PI4KA: variants seen among roughly 807,000 people sequenced by gnomAD.
PI4KA encodes phosphatidylinositol 4-kinase alpha.
PI4KA carries 122 observed loss-of-function variants against 271.4 expected under a neutral mutation model. That is an observed-to-expected ratio of 0.45 (90% CI 0.39 to 0.52). The LOEUF (loss-of-function observed/expected upper bound fraction) is 0.52. Among genes scored for constraint, PI4KA ranks in the 20% least tolerant of loss-of-function variants. The pLI, the probability that PI4KA is intolerant of heterozygous loss-of-function variation, is 0.00. For missense variants in PI4KA, 1,969 were observed against 2,769.1 expected, an observed-to-expected ratio of 0.71 and a Z score of 6.48; for synonymous variants, 1,041 against 1,078.8, an observed-to-expected ratio of 0.96 and a Z score of 0.69.
Position 20,819,681 on chromosome 22 carries a change from G to T in PI4KA, c.749C>A (p.Thr250Asn). The change falls in exon 6 of 55, where the codon ACC becomes AAC. Residue 250 changes from threonine (T) to asparagine (N), a missense_variant. Physicochemically the swap from Thr to Asn is moderately conservative, Grantham distance 65. Around this residue, in one of 13 missense-constraint regions of PI4KA, gnomAD observed 540 missense variants for 555.5 expected, o/e 0.97. Coordinates refer to ENST00000255882, the MANE Select transcript of PI4KA (RefSeq NM_058004.4). ...CACACTGCTGGTTTTCCTCTTCAGG[G>T]TACCCTCCTGACAGACAGTCAGCAG... ...SNLLTVCQEGTLKRKTSSVSS... is the reference protein window; with the variant it reads ...SNLLTVCQEGNLKRKTSSVSS... The T allele has an allele frequency of 6.2e-7, 1 of 1,614,014 alleles. No individual in the cohort carries two copies. Among genetic ancestry groups the T allele is most frequent in the Non-Finnish European group, 8.5e-7 (1 of 1,179,940 alleles).
At chr22:20,849,407 C>T (rs920057204) in intron 1 of PI4KA, among the ~76,000 whole-genome samples, 11 of 152,048 alleles carry the variant, frequency 7.2e-5, no homozygotes, top group Admixed American at 2.0e-4. Context: ...TCCATAGCAG[C>T]GTTATTTATA....
In PI4KA at chr22:20,857,042, A is replaced by C. The variant is rs1307406409; in HGVS notation, c.156+1528T>G. On this transcript the variant is annotated intron_variant, in intron 1 of 54. Transcript: ENST00000255882. ...GACTAGCTAGCATGAGTTTGATTCA[A>C]TAAAACAGCACTACACTCCATTAGT... Among the ~76,000 whole-genome samples the C allele has an allele frequency of 2.6e-5, 4 of 152,264 alleles. No homozygotes were observed. In the East Asian group the frequency reaches 5.8e-4, roughly 22 times the overall value.
intron 17 of PI4KA, among the ~76,000 whole-genome samples, chr22:20,798,314 C>T (rs977953426): frequency 3.9e-5 from 6 of 152,014 alleles, no homozygotes; most frequent in African/African-American, 2.4e-5. Context: ...GATGTGCTGC[C>T]CCATAAAAAA....
intron 23 of PI4KA, among the ~76,000 whole-genome samples, chr22:20,759,724 C>T (rs1931758614): frequency 6.6e-6 from 1 of 152,168 alleles, no homozygotes; most frequent in South Asian, 2.1e-4. Flanking sequence ...GGCCACCACG[C>T]CCGGCTAATT....
intron 3 of PI4KA, among the ~76,000 whole-genome samples, chr22:20,828,809 TC>T (rs1923781664): frequency 6.6e-6 from 1 of 152,174 alleles, no homozygotes; most frequent in Non-Finnish European, 1.5e-5. Flanking sequence ...CACCTCGGCC[TC>T]CCAAAGTGCT....
chr22:20,854,213 T>C lies in PI4KA; in HGVS notation c.156+4357A>G, dbSNP rs180949375. On this transcript the variant is annotated intron_variant, in intron 1 of 54. Transcript: ENST00000255882. ...TCGGCTTACTGCAACCTCAGCCTCCTGGGTTCCAGTGATTCTCTGGCCTCA... is the reference window on the plus strand; with the variant it reads ...TCGGCTTACTGCAACCTCAGCCTCCCGGGTTCCAGTGATTCTCTGGCCTCA... Among the ~76,000 whole-genome samples, 8 of 148,632 alleles carry C rather than the reference T, an allele frequency of 5.4e-5. No individual in the cohort carries two copies. In the East Asian group the frequency reaches 1.2e-3, roughly 23 times the overall value.
intron 19 of PI4KA, among the ~76,000 whole-genome samples, chr22:20,776,557 C>A (rs1264054559): frequency 6.6e-6 from 1 of 152,122 alleles, no homozygotes; most frequent in Non-Finnish European, 1.5e-5. Context: ...AAGGGGAAGA[C>A]CCAAGGAATG....
chr22:20,785,066 T>C (rs945096040), intron 19 of PI4KA, among the ~76,000 whole-genome samples: 2 of 146,510 alleles, frequency 1.4e-5, no homozygotes, highest in Non-Finnish European at 1.5e-5. Context: ...AGGGACTGCA[T>C]CTTTTTTTTT....
chr22:20,805,832 CAAAA>C (rs362153), intron 10 of PI4KA, among the ~76,000 whole-genome samples: 1 of 105,280 alleles, frequency 9.5e-6, no homozygotes. Flanking sequence ...ACTCCCATCT[CAAAA>C]AAAAAAAAAA....
intron 28 of PI4KA, 82 bp from the exon 29 acceptor site, chr22:20,747,784 G>A: frequency 7.3e-7 from 1 of 1,377,224 alleles, no homozygotes; most frequent in South Asian, 1.3e-5. Flanking sequence ...ACCCAGGCTG[G>A]AGTGTGGTGG....
At chr22:20,732,150 G>T (rs1002595976) in intron 36 of PI4KA, among the ~76,000 whole-genome samples, 16 of 151,814 alleles carry the variant, frequency 1.1e-4, no homozygotes, top group Middle Eastern at 3.4e-3. Flanking sequence ...CTCCAGCCTG[G>T]GCGACAGATC....
In PI4KA at chr22:20,849,853, C is replaced by CA. The variant is rs202180553; in HGVS notation, c.156+8716dup. Among the ~76,000 whole-genome samples, 642 of 149,418 alleles carry CA rather than the reference C, an allele frequency of 4.3e-3. 6 individuals are homozygous for CA. In the East Asian group the frequency reaches 0.055, roughly 13 times the overall value. ...TGGGCTCCAGAGCGAAACTCTGTCT[C>CA]AAAAAAAAATAAAAATAAAAATAAG... On this transcript the variant is annotated intron_variant, in intron 1 of 54. Coordinates refer to ENST00000255882, the MANE Select transcript of PI4KA (RefSeq NM_058004.4).
chr22:20,764,175 T>C (rs907184020), intron 22 of PI4KA, among the ~76,000 whole-genome samples: 2 of 152,196 alleles, frequency 1.3e-5, no homozygotes, highest in Admixed American at 1.3e-4. Flanking sequence ...CCAGGGCGCC[T>C]GAGGCCTCAG....
In PI4KA at chr22:20,746,289, A is replaced by C. The variant is rs562624740; in HGVS notation, c.3363+1294T>G. On this transcript the variant is annotated intron_variant, in intron 29 of 54. Coordinates refer to ENST00000255882, the MANE Select transcript of PI4KA (RefSeq NM_058004.4). The stretch of plus-strand genomic sequence containing the variant: ...GTGTTGGCCAGGATGGTCTCGATCC[A>C]CTGACCTCGTGATCCGCCCGCCTTG... Among the ~76,000 whole-genome samples, 148 of 151,936 alleles carry C rather than the reference A, an allele frequency of 9.7e-4. 2 individuals carry two copies. The South Asian group carries it at 0.014, about 14-fold the overall frequency.
chr22:20,804,429 G>C (rs778365541), intron 11 of PI4KA, 29 bp from the exon 12 acceptor site: 4 of 1,468,580 alleles, frequency 2.7e-6, no homozygotes, highest in Non-Finnish European at 3.8e-6. Flanking sequence ...GAGGAGATGA[G>C]TGATCAGCAC....
intron 19 of PI4KA, chr22:20,784,145 A>G (rs1169408702): frequency 6.2e-7 from 1 of 1,614,066 alleles, no homozygotes; most frequent in African/African-American, 1.3e-5. Flanking sequence ...GGGCATCAGC[A>G]TGCTAATTGT....
intron 32 of PI4KA, among the ~76,000 whole-genome samples, chr22:20,740,172 C>T (rs571302503): frequency 8.8e-5 from 13 of 148,164 alleles, no homozygotes; most frequent in Non-Finnish European, 1.8e-4. Flanking sequence ...TTTTCTAGAC[C>T]TGAGAATTGT....
At position 20,718,759 on chromosome 22, in the gene PI4KA, G is replaced by A. The variant is rs1926337144; in HGVS notation, c.5180C>T (p.Ala1727Val). ...EEITGSLSGPAKDFYQREFDF... is the reference protein window; with the variant it reads ...EEITGSLSGPVKDFYQREFDF... The stretch of plus-strand genomic sequence containing the variant: ...AAACTCCCGCTGGTAAAAGTCCTTC[G>A]CTGGGCCGGACAAGGAGCCTGTGAT... Residue 1727 changes from alanine (A) to valine (V), a missense_variant, in exon 44 of 55, where the codon GCG (alanine) becomes GTG (valine). Physicochemically the swap from Ala to Val is moderately conservative, Grantham distance 64 (BLOSUM62 0). Coordinates refer to ENST00000255882, the MANE Select transcript of PI4KA (RefSeq NM_058004.4). 4 of 1,613,952 alleles carry A rather than the reference G, an allele frequency of 2.5e-6. No individual in the cohort carries two copies. Among genetic ancestry groups the A allele is most frequent in the Non-Finnish European group, 3.4e-6 (4 of 1,179,886 alleles).
At chr22:20,749,780 G>A (rs1930475935) in intron 28 of PI4KA, 125 bp downstream of exon 28, 4 of 675,890 alleles carry the variant, frequency 5.9e-6, no homozygotes, top group Non-Finnish European at 1.1e-5. Context: ...TCAGGCCCTA[G>A]ACTGATGCTT....
Sources: gnomAD v4.1 joint callset for allele counts (sites outside exome capture counted in the v4.1 genomes callset) on GRCh38, gnomAD v4.1.1 for gene constraint, gnomAD v4.1.1 regional missense constraint, MANE v1.5 for transcripts, NCBI Gene and HGNC (gene_info 2026-07-23, HGNC 2026-07-21) for gene names.